The following SCAF11 variants were observed in gnomAD, a reference collection of about 807,000 sequenced individuals.
SCAF11 encodes the protein SR-related CTD associated factor 11.
In SCAF11, 47 loss-of-function variants were observed where a neutral mutation model predicts 140.5. The ratio of observed to expected loss-of-function variants is 0.33; its 90% CI spans 0.26 to 0.43. SCAF11 has a LOEUF of 0.43. Ranked by LOEUF, SCAF11 falls within the 20% of genes least tolerant of loss-of-function variation. The probability of loss-of-function intolerance (pLI) is 1.00; values close to 1 mark genes in which losing one functional copy is unlikely to be tolerated. For missense variants in SCAF11, 1,645 were observed against 1,705.1 expected (o/e 0.96, Z 0.62); for synonymous variants, 557 against 579.4 (o/e 0.96, Z 0.55).
At chr12:45,942,886 A>C (rs1224691523) in intron 6 of SCAF11, among the ~76,000 whole-genome samples, 2 of 152,198 alleles carry the variant, frequency 1.3e-5, no homozygotes, top group African/African-American at 4.8e-5. Flanking sequence ...CCCATTGACA[A>C]GCACTTTGTT....
chr12:45,950,567 AAT>A (rs1241384868), intron 4 of SCAF11, among the ~76,000 whole-genome samples: 1 of 152,202 alleles, frequency 6.6e-6, no homozygotes, highest in Non-Finnish European at 1.5e-5. Context: ...AAAAATGGAG[AAT>A]ATGTCTTCAG....
rs754799829 is a variant in SCAF11, at chr12:45,928,078, T to C, written c.1623A>G (p.Val541=). 6.2e-7 allele frequency: 1 copy of C among 1,613,992 alleles called. No individual in the cohort carries two copies. Residue 541 remains valine, a synonymous_variant, in exon 11 of 15, where the codon GTA becomes GTG. Coordinates refer to ENST00000369367, the MANE Select transcript of SCAF11 (RefSeq NM_004719.3). ...GLSQSEVKTD[V]CTVHLPNDFP... is the part of the protein sequence containing the mutation. ...AATCATTTGGAAGATGAACTGTACATACATCTGTCTTTACCTCTGATTGTG... is the reference window on the plus strand; with the variant it reads ...AATCATTTGGAAGATGAACTGTACACACATCTGTCTTTACCTCTGATTGTG...
chr12:45,922,552 CTT>C lies in SCAF11; in HGVS notation c.4154_4155del (p.Gln1385ArgfsTer13). 1.3e-6 allele frequency: 2 copies of C among 1,593,434 alleles called. No individual in the cohort carries two copies. The highest frequency in any genetic ancestry group is 1.7e-6 in the Non-Finnish European group (2 of 1,175,642). On this transcript the variant is annotated frameshift_variant, in exon 14 of 15. Transcript: ENST00000369367. LOFTEE classifies it high-confidence loss of function. ...KKLQIQEKAA[Q>X]EVKLAIKPFY... Reference sequence around the variant, plus strand: ...AATGGCTTGATGGCCAATTTTACCTCTTGTGCTGCTTTTTCTTGAATTTGCAA... The same window carrying C: ...AATGGCTTGATGGCCAATTTTACCTCGTGCTGCTTTTTCTTGAATTTGCAA...
At chr12:45,969,921 G>A (rs1401117084) in intron 1 of SCAF11, among the ~76,000 whole-genome samples, 4 of 151,712 alleles carry the variant, frequency 2.6e-5, no homozygotes, top group South Asian at 2.1e-4. Flanking sequence ...TTCTTAAGAC[G>A]GAGTCTCGCT....
At chr12:45,947,773 T>G (rs1945458726) in intron 5 of SCAF11, among the ~76,000 whole-genome samples, 1 of 152,076 alleles carries the variant, frequency 6.6e-6, no homozygotes, top group South Asian at 2.1e-4. Context: ...GATTCCTGGG[T>G]TCAAGATATC....
At chr12:45,964,930 T>A (rs1457445578) in intron 1 of SCAF11, among the ~76,000 whole-genome samples, 2 of 150,582 alleles carry the variant, frequency 1.3e-5, no homozygotes, top group African/African-American at 4.9e-5. Flanking sequence ...TGGGTGAAAG[T>A]GTGTGTGTGT....
intron 1 of SCAF11, among the ~76,000 whole-genome samples, chr12:45,971,535 C>A (rs1177702814): frequency 6.6e-6 from 1 of 152,114 alleles, no homozygotes; most frequent in Non-Finnish European, 1.5e-5. Flanking sequence ...TCCAGAATCC[C>A]CTGGCCTGGG....
intron 1 of SCAF11, among the ~76,000 whole-genome samples, chr12:45,969,654 A>G (rs1298614788): frequency 1.3e-5 from 2 of 152,254 alleles, no homozygotes; most frequent in African/African-American, 4.8e-5. Flanking sequence ...GTTTTCCCTA[A>G]AGCAAATGCA....
In SCAF11 at chr12:45,927,343, C is replaced by A; in HGVS notation, c.2358G>T (p.Lys786Asn). 6.2e-7 allele frequency: 1 copy of A among 1,613,944 alleles called. No individual in the cohort carries two copies. The highest frequency in any genetic ancestry group is 8.5e-7 in the Non-Finnish European group (1 of 1,179,962). ...SPKDTIDKTK[K>N]PRTRRSRFHS... ...GAAATCTAGATCTTCGAGTACGAGG[C>A]TTTTTGGTTTTATCTATGGTATCTT... Residue 786 changes from lysine to asparagine, a missense_variant, in exon 11 of 15, where the codon AAG becomes AAT. Coordinates refer to ENST00000369367, the MANE Select transcript of SCAF11 (RefSeq NM_004719.3).
rs59662890 is a variant in SCAF11 at position 45,965,442 on chromosome 12, G to T, written c.-21-1254C>A. ...AAAAGTGGGAAAGGATGTTAATATGGCAAAGGCAAGAAATTCATACAGTAA... is the reference window on the plus strand; with the variant it reads ...AAAAGTGGGAAAGGATGTTAATATGTCAAAGGCAAGAAATTCATACAGTAA... On this transcript the variant is annotated intron_variant, in intron 1 of 14. Coordinates refer to ENST00000369367, the MANE Select transcript of SCAF11 (RefSeq NM_004719.3). Among the ~76,000 whole-genome samples the T allele has an allele frequency of 1.2e-3, 179 of 152,214 alleles. 1 individual carries two copies. The highest frequency in any genetic ancestry group is 4.1e-3 in the African/African-American group (172 of 41,526).
At position 45,927,260 on chromosome 12, in the gene SCAF11, G is replaced by C. The variant is rs150142649; in HGVS notation, c.2441C>G (p.Pro814Arg). Residue 814 changes from proline (P) to arginine (R), a missense_variant, in exon 11 of 15, where the codon CCC (proline) becomes CGC (arginine). By Grantham distance (103) the Pro-to-Arg change is moderately radical. Around this residue, in one of 2 missense-constraint regions of SCAF11, gnomAD observed 1,582 missense variants for 1,609.2 expected, o/e 0.98. Coordinates refer to ENST00000369367, the MANE Select transcript of SCAF11 (RefSeq NM_004719.3). ...NKDTPQEKKR[P>R]QSPSPRRETG... is the part of the protein sequence containing the mutation. ...TTCTCTTCTGGGAGATGGAGACTGG[G>C]GCCGCTTCTTTTCTTGTGGAGTGTC... is the stretch of plus-strand genomic sequence containing the variant. 48 of 1,613,730 alleles carry C rather than the reference G, an allele frequency of 3.0e-5. No individual in the cohort carries two copies. The highest frequency in any genetic ancestry group is 4.1e-5 in the Non-Finnish European group (48 of 1,179,980).
At chr12:45,954,937 CCCT>C (rs1191821119) in intron 3 of SCAF11, 1 of 122,574 alleles carries the variant, frequency 8.2e-6, no homozygotes, top group Non-Finnish European at 2.0e-5. Context: ...AAGATTCCCC[CCCT>C]TTTTTTTCCT....
At chr12:45,979,343 T>C (rs1002403864) in intron 1 of SCAF11, among the ~76,000 whole-genome samples, 2 of 151,768 alleles carry the variant, frequency 1.3e-5, no homozygotes, top group Admixed American at 1.3e-4. Flanking sequence ...GGGGGAGAAT[T>C]AGTGAAAATA....
In SCAF11 at chr12:45,925,187, T is replaced by C. The variant is rs1229834989; in HGVS notation, c.3560-113A>G. On this transcript the variant is annotated intron_variant, in intron 11 of 14. Coordinates refer to ENST00000369367, the MANE Select transcript of SCAF11 (RefSeq NM_004719.3). ...TAAATAGCAATTAATAGGCTCAGTA[T>C]ACCAATACCAATCTCCAATTGCTTA... 5.8e-6 allele frequency: 4 copies of C among 686,736 alleles called. No homozygotes were observed. In the Admixed American group the frequency reaches 8.8e-5, roughly 15 times the overall value. 42.5% of individuals were successfully genotyped at this position (686,736 alleles called of 1,614,324 possible). A position where few individuals can be genotyped will look rare whatever the true frequency, so the allele number is the denominator to read the frequency against.
intron 1 of SCAF11, among the ~76,000 whole-genome samples, chr12:45,987,688 G>A (rs1210684064): frequency 6.6e-6 from 1 of 152,160 alleles, no homozygotes; most frequent in Non-Finnish European, 1.5e-5. Flanking sequence ...GATGAAGTCA[G>A]AGAGGAAGAA....
Position 45,964,186 on chromosome 12 carries a change from T to C in SCAF11, c.-19A>G. On this transcript the variant is annotated splice_region_variant and 5_prime_UTR_variant, in exon 2 of 15. Coordinates refer to ENST00000369367, the MANE Select transcript of SCAF11 (RefSeq NM_004719.3). Reference sequence around the variant, plus strand: ...TCTTCATTTCTCTTTGGAAAAGGGTTTCCTATAAGATAAATTATAATAGAG... The same window carrying C: ...TCTTCATTTCTCTTTGGAAAAGGGTCTCCTATAAGATAAATTATAATAGAG... 7 of 1,395,096 alleles carry C rather than the reference T, an allele frequency of 5.0e-6. No individual in the cohort carries two copies. Among genetic ancestry groups the C allele is most frequent in the Non-Finnish European group, 7.0e-6 (7 of 993,376 alleles). 86.4% of individuals were successfully genotyped at this position (1,395,096 alleles called of 1,614,324 possible).
chr12:45,979,976 A>C (rs1178044854), intron 1 of SCAF11, among the ~76,000 whole-genome samples: 5 of 152,304 alleles, frequency 3.3e-5, no homozygotes, highest in African/African-American at 1.2e-4. Context: ...CAAATGCTAC[A>C]AATGCCCATA....
chr12:45,972,959 GAT>G (rs879822532), intron 1 of SCAF11, among the ~76,000 whole-genome samples: 27,444 of 117,818 alleles, frequency 0.23, 4,756 homozygotes, highest in East Asian at 0.36. Context: ...TAGATATATA[GAT>G]ATATATATAG....
At chr12:45,943,639 T>G (rs896966079) in intron 6 of SCAF11, among the ~76,000 whole-genome samples, 1 of 152,140 alleles carries the variant, frequency 6.6e-6, no homozygotes, top group Admixed American at 6.5e-5. Flanking sequence ...GGACAAGGGG[T>G]AACTACCATA....
Sources: allele counts gnomAD v4.1 joint callset (sites outside exome capture counted in the v4.1 genomes callset), GRCh38; gene constraint gnomAD v4.1.1; regional missense constraint gnomAD v4.1.1; transcripts MANE v1.5; gene names NCBI Gene and HGNC (gene_info 2026-07-23, HGNC 2026-07-21).